The following DTNB variants were observed in gnomAD, a reference collection of about 807,000 sequenced individuals.
DTNB encodes the protein dystrobrevin beta, also known as DTN-B.
A neutral mutation model predicts 90.7 loss-of-function variants in DTNB; 63 were observed. The ratio of observed to expected loss-of-function variants is 0.69; its 90% CI spans 0.57 to 0.86. The LOEUF (loss-of-function observed/expected upper bound fraction) is 0.86. DTNB is among the 40% of genes least tolerant of loss of function. The probability of loss-of-function intolerance (pLI) is 0.00; values close to 1 mark genes in which losing one functional copy is unlikely to be tolerated. For synonymous variants in DTNB, 277 were observed against 286.7 expected (o/e 0.97, Z 0.34); for missense variants, 744 against 807.1 (o/e 0.92, Z 0.95).
intron 1 of DTNB, among the ~76,000 whole-genome samples, chr2:25,660,719 T>G (rs1027879756): frequency 6.6e-6 from 1 of 152,172 alleles, no homozygotes; most frequent in African/African-American, 2.4e-5. Context: ...ATTCCAAAAC[T>G]GCATTTTAAT....
intron 2 of DTNB, among the ~76,000 whole-genome samples, chr2:25,640,165 A>T (rs1261215313): frequency 1.3e-5 from 2 of 152,208 alleles, no homozygotes; most frequent in Non-Finnish European, 2.9e-5. Context: ...ATGAGTCTAT[A>T]AATCACATTT....
At chr2:25,650,972 AAAT>A (rs2080809896) in intron 2 of DTNB, among the ~76,000 whole-genome samples, 2 of 148,602 alleles carry the variant, frequency 1.3e-5, no homozygotes, top group East Asian at 2.0e-4. Context: ...AAAAAAAAAA[AAAT>A]AATAATAATA....
intron 3 of DTNB, among the ~76,000 whole-genome samples, chr2:25,631,206 T>C (rs1367475010): frequency 2.6e-5 from 4 of 152,148 alleles, no homozygotes; most frequent in Non-Finnish European, 5.9e-5. Context: ...AATTTTATAG[T>C]ATATGAATTT....
Position 25,576,883 on chromosome 2 carries a change from G to A in DTNB, c.831C>T (p.Gly277=), listed in dbSNP as rs1419270482. 1.1e-5 allele frequency: 18 copies of A among 1,612,922 alleles called. No individual in the cohort carries two copies. The highest frequency in any genetic ancestry group is 5.3e-5 in the African/African-American group (4 of 74,888). ...CQNCFWRGHA[G]GPHSNQHQMK... ...TCTGGTGCTGGTTGCTGTGAGGGCC[G>A]CCGGCATGGCCACGCCAAAAGCAAT... The change falls in exon 8 of 21, where the codon GGC becomes GGT. Residue 277 remains glycine (G), a synonymous_variant. Coordinates refer to ENST00000406818, the MANE Select transcript of DTNB (RefSeq NM_021907.5).
chr2:25,451,840 C>T (rs1385211706), intron 11 of DTNB, among the ~76,000 whole-genome samples: 2 of 152,180 alleles, frequency 1.3e-5, no homozygotes, highest in Admixed American at 6.5e-5. Context: ...TCACTGGCAG[C>T]ACATCCCCGC....
At chr2:25,577,542 A>T (rs1330410132) in intron 7 of DTNB, among the ~76,000 whole-genome samples, 2 of 152,230 alleles carry the variant, frequency 1.3e-5, no homozygotes, top group African/African-American at 4.8e-5. Context: ...TACATCAGAA[A>T]AAAAAATTCA....
At chr2:25,453,974 C>T (rs1012643064) in intron 11 of DTNB, among the ~76,000 whole-genome samples, 4 of 151,962 alleles carry the variant, frequency 2.6e-5, no homozygotes, top group Non-Finnish European at 4.4e-5. Flanking sequence ...AGTGAGACCC[C>T]GTCTCTACTA....
At chr2:25,565,460 G>T (rs114680197) in intron 8 of DTNB, among the ~76,000 whole-genome samples, 1 of 152,034 alleles carries the variant, frequency 6.6e-6, no homozygotes, top group African/African-American at 2.4e-5. Flanking sequence ...ATGTTGCTCA[G>T]GCTGGTCTCG....
At chr2:25,386,096 G>C (rs2039395764) in intron 18 of DTNB, 4 of 985,510 alleles carry the variant, frequency 4.1e-6, no homozygotes, top group Non-Finnish European at 4.8e-6. Flanking sequence ...GCTTCTGATG[G>C]GGGTTGAGAA....
At chr2:25,635,150 AGGCTGGGAGTGGT>A (rs1388994486) in intron 3 of DTNB, among the ~76,000 whole-genome samples, 1 of 152,012 alleles carries the variant, frequency 6.6e-6, no homozygotes, top group African/African-American at 2.4e-5. Context: ...TCCAATGAAG[AGGCTGGGAGTGGT>A]GGCTCACATC....
At chr2:25,589,468 C>A (rs1417799771) in intron 6 of DTNB, among the ~76,000 whole-genome samples, 1 of 139,522 alleles carries the variant, frequency 7.2e-6, no homozygotes, top group African/African-American at 2.7e-5. Flanking sequence ...GCAACCTCTG[C>A]CTCCTGGGTT....
At chr2:25,390,285 A>G (rs374769975) in intron 16 of DTNB, among the ~76,000 whole-genome samples, 15 of 152,364 alleles carry the variant, frequency 9.8e-5, no homozygotes, top group African/African-American at 3.4e-4. Flanking sequence ...CATAGTAACT[A>G]TAAGAGCTAA....
At chr2:25,649,162 G>T (rs564532984) in intron 2 of DTNB, among the ~76,000 whole-genome samples, 1 of 151,864 alleles carries the variant, frequency 6.6e-6, no homozygotes, top group African/African-American at 2.4e-5. Context: ...CTGCCAGCAC[G>T]CCCAGCTAAT....
intron 4 of DTNB, among the ~76,000 whole-genome samples, chr2:25,612,558 G>A (rs1299547565): frequency 2.0e-5 from 3 of 151,942 alleles, no homozygotes. Context: ...CAAGAAAAAG[G>A]TGAAAAATAC....
chr2:25,483,850 A>G (rs977761700), intron 9 of DTNB, among the ~76,000 whole-genome samples: 7 of 152,216 alleles, frequency 4.6e-5, no homozygotes, highest in Non-Finnish European at 8.8e-5. Flanking sequence ...GTGCCACACA[A>G]TGATGTTTAG....
chr2:25,393,246 C>T (rs936872321), intron 16 of DTNB, among the ~76,000 whole-genome samples: 5 of 152,120 alleles, frequency 3.3e-5, no homozygotes, highest in Non-Finnish European at 1.5e-5. Context: ...GTAATAAAAG[C>T]CATCTATGAC....
At chr2:25,440,414 T>G (rs535455842) in intron 12 of DTNB, among the ~76,000 whole-genome samples, 34 of 152,290 alleles carry the variant, frequency 2.2e-4, no homozygotes, top group African/African-American at 7.7e-4. Context: ...CTGTAAAGAT[T>G]TGGAAAAATT....
intron 16 of DTNB, among the ~76,000 whole-genome samples, chr2:25,396,960 G>C (rs1432780816): frequency 6.6e-6 from 1 of 151,818 alleles, no homozygotes; most frequent in Non-Finnish European, 1.5e-5. Context: ...AAGATAAAAG[G>C]GATAAATTTG....
chr2:25,648,138 T>A (rs2079934470), intron 2 of DTNB, among the ~76,000 whole-genome samples: 1 of 152,218 alleles, frequency 6.6e-6, no homozygotes, highest in African/African-American at 2.4e-5. Flanking sequence ...AGCTTTCATT[T>A]TGGCACCAGA....
Sources: allele counts gnomAD v4.1 joint callset (sites outside exome capture counted in the v4.1 genomes callset), GRCh38; gene constraint gnomAD v4.1.1; transcripts MANE v1.5; gene names NCBI Gene and HGNC (gene_info 2026-07-23, HGNC 2026-07-21).